Variants in DTNBP1 observed in about 807,000 individuals in gnomAD.
DTNBP1 encodes dystrobrevin binding protein 1, also known as dysbindin.
DTNBP1 carries 35 observed loss-of-function variants against 42.8 expected under a neutral mutation model. The observed-to-expected ratio is 0.82, with a 90% CI of 0.63 to 1.09. The LOEUF (loss-of-function observed/expected upper bound fraction) is 1.09. DTNBP1 is among the 50% of genes least tolerant of loss of function. The probability of loss-of-function intolerance (pLI) is 0.00; values close to 1 mark genes in which losing one functional copy is unlikely to be tolerated. For synonymous variants in DTNBP1, 171 were observed against 162.2 expected, an observed-to-expected ratio of 1.05 and a Z score of -0.41; for missense variants, 457 against 424.2, an observed-to-expected ratio of 1.08 and a Z score of -0.68.
intron 6 of DTNBP1, among the ~76,000 whole-genome samples, chr6:15,595,626 A>G (rs1217604462): frequency 1.3e-5 from 2 of 152,138 alleles, no homozygotes; most frequent in East Asian, 1.9e-4. Context: ...AAGCCTTGAA[A>G]TTTCACAATT....
chr6:15,643,513 A>G (rs974388987), intron 3 of DTNBP1, among the ~76,000 whole-genome samples: 3 of 152,160 alleles, frequency 2.0e-5, no homozygotes, highest in Non-Finnish European at 4.4e-5. Context: ...TCAACATGAA[A>G]GCAAAAATCA....
chr6:15,571,666 G>GT (rs1251587263), intron 7 of DTNBP1, among the ~76,000 whole-genome samples: 4 of 152,304 alleles, frequency 2.6e-5, no homozygotes, highest in Admixed American at 6.5e-5. Context: ...CTGGAACCCA[G>GT]TATCAGCCCA....
intron 7 of DTNBP1, among the ~76,000 whole-genome samples, chr6:15,584,972 T>C (rs1383757438): frequency 6.8e-6 from 1 of 147,444 alleles, no homozygotes; most frequent in Non-Finnish European, 1.5e-5. Flanking sequence ...TATTTATATA[T>C]ATATATAAAT....
intron 7 of DTNBP1, among the ~76,000 whole-genome samples, chr6:15,577,429 A>AGGGGAGGCAGGAAGAAACGG (rs1178787720): frequency 2.0e-5 from 3 of 152,208 alleles, no homozygotes; most frequent in Non-Finnish European, 2.9e-5. Flanking sequence ...AGGCAGTAGT[A>AGGGGAGGCAGGAAGAAACGG]GGGGAGGCAG....
chr6:15,566,623 A>G (rs1256303026), intron 7 of DTNBP1, among the ~76,000 whole-genome samples: 1 of 151,200 alleles, frequency 6.6e-6, no homozygotes, highest in Non-Finnish European at 1.5e-5. Context: ...ATCCCAAAAT[A>G]TGTTTCTTTG....
intron 7 of DTNBP1, among the ~76,000 whole-genome samples, chr6:15,541,531 GA>G (rs1310562191): frequency 6.6e-6 from 1 of 151,744 alleles, no homozygotes; most frequent in Non-Finnish European, 1.5e-5. Context: ...CAGATTAAAA[GA>G]AAAAAAATCA....
chr6:15,643,674 T>C (rs1184829014), intron 3 of DTNBP1, among the ~76,000 whole-genome samples: 2 of 152,186 alleles, frequency 1.3e-5, no homozygotes, highest in Admixed American at 6.5e-5. Context: ...AAGAATTTTA[T>C]ATCCTGTTCA....
At chr6:15,597,427 A>C (rs1776558682) in intron 6 of DTNBP1, among the ~76,000 whole-genome samples, 1 of 152,192 alleles carries the variant, frequency 6.6e-6, no homozygotes. Flanking sequence ...CTCTCAGCTA[A>C]CCAGATGAAA....
At chr6:15,644,009 C>A (rs1760527507) in intron 3 of DTNBP1, among the ~76,000 whole-genome samples, 2 of 152,124 alleles carry the variant, frequency 1.3e-5, no homozygotes, top group South Asian at 4.1e-4. Flanking sequence ...ATTAAAAAAA[C>A]AAGACCCAAC....
At chr6:15,524,131 C>CTT in intron 9 of DTNBP1, 1 of 1,373,700 alleles carries the variant, frequency 7.3e-7, no homozygotes, top group East Asian at 3.9e-5. Context: ...GCAGGCACGC[C>CTT]CCTAAATGCC....
intron 6 of DTNBP1, among the ~76,000 whole-genome samples, chr6:15,605,712 T>G (rs1357753777): frequency 1.3e-5 from 2 of 152,220 alleles, no homozygotes; most frequent in Admixed American, 1.3e-4. Flanking sequence ...ATACTAAATA[T>G]TAGCTCTTCT....
intron 1 of DTNBP1, among the ~76,000 whole-genome samples, chr6:15,656,198 G>A (rs959963728): frequency 6.6e-6 from 1 of 152,132 alleles, no homozygotes; most frequent in Non-Finnish European, 1.5e-5. Flanking sequence ...TAAAGCAGAG[G>A]TTCCCAATGT....
chr6:15,662,932 G>T lies in DTNBP1; in HGVS notation c.-63C>A. ...CTGCTGCTGCCTCTGTCGCCCCCTG[G>T]GTCCCACGCCGCCAACCCCGCGCTG... On this transcript the variant is annotated 5_prime_UTR_variant, in exon 1 of 10. Coordinates refer to ENST00000344537, the MANE Select transcript of DTNBP1 (RefSeq NM_032122.5). The T allele has an allele frequency of 6.3e-7, 1 of 1,595,016 alleles. No homozygotes were observed. Among genetic ancestry groups the T allele is most frequent in the East Asian group, 2.2e-5 (1 of 44,750 alleles).
Position 15,627,371 on chromosome 6 carries a change from T to C in DTNBP1, c.327A>G (p.Ala109=). Residue 109 remains alanine, a synonymous_variant, in exon 5 of 10, where the codon GCA becomes GCG. Transcript: ENST00000344537. The stretch of plus-strand genomic sequence containing the variant: ...GATTTGCTGTCATGGATTCTAAGTC[T>C]GCGATTAAAGCTGGGAGCTGCTGGA... The part of the protein sequence containing the change: ...EQLQQLPALI[A]DLESMTANLT... The C allele has an allele frequency of 6.2e-7, 1 of 1,613,834 alleles. No individual in the cohort carries two copies.
intron 7 of DTNBP1, among the ~76,000 whole-genome samples, chr6:15,545,078 G>C (rs1773792484): frequency 6.6e-6 from 1 of 151,682 alleles, no homozygotes; most frequent in Admixed American, 6.6e-5. Context: ...TCTTACCTCA[G>C]TTTTCAAATA....
chr6:15,586,130 A>C, intron 7 of DTNBP1: 1 of 695,946 alleles, frequency 1.4e-6, no homozygotes, highest in Non-Finnish European at 1.8e-6. Flanking sequence ...ATGCTTTAGT[A>C]ACACAGCAAA....
chr6:15,627,205 A>C, intron 5 of DTNBP1, 138 bp downstream of exon 5: 3 of 1,135,396 alleles, frequency 2.6e-6, no homozygotes, highest in Non-Finnish European at 3.8e-6. Context: ...ACTAATCAAA[A>C]TATGAAATCA....
intron 7 of DTNBP1, among the ~76,000 whole-genome samples, chr6:15,550,293 T>C (rs1212634318): frequency 1.3e-5 from 2 of 152,182 alleles, no homozygotes; most frequent in East Asian, 1.9e-4. Flanking sequence ...TCAAACCTTT[T>C]CAAGTTTAAG....
intron 5 of DTNBP1, among the ~76,000 whole-genome samples, chr6:15,619,936 C>T (rs1758944996): frequency 6.6e-6 from 1 of 151,084 alleles, no homozygotes; most frequent in South Asian, 2.1e-4. Flanking sequence ...TTCTAATATC[C>T]TAAATTTTAA....
Sources: gnomAD v4.1 joint callset for allele counts (sites outside exome capture counted in the v4.1 genomes callset) on GRCh38, gnomAD v4.1.1 for gene constraint, MANE v1.5 for transcripts, NCBI Gene and HGNC (gene_info 2026-07-23, HGNC 2026-07-21) for gene names.